The following ROBO1 variants were observed in gnomAD, a reference collection of about 807,000 sequenced individuals.
The protein encoded by ROBO1 is roundabout homolog 1.
A neutral mutation model predicts 195.9 loss-of-function variants in ROBO1; 149 were observed. The ratio of observed to expected loss-of-function variants is 0.76; its 90% CI spans 0.67 to 0.87. ROBO1 has a LOEUF of 0.87. ROBO1 is among the 40% of genes least tolerant of loss of function. The pLI is 0.00. For missense variants in ROBO1, 1,933 were observed against 2,068.3 expected (o/e 0.93, Z 1.27); for synonymous variants, 816 against 733.2 (o/e 1.11, Z -1.82).
chr3:79,082,986 T>C (rs1241494473), intron 3 of ROBO1, among the ~76,000 whole-genome samples: 2 of 152,182 alleles, frequency 1.3e-5, no homozygotes, highest in Admixed American at 6.6e-5. Flanking sequence ...GAACGCCTTA[T>C]ACACAAATTG....
intron 2 of ROBO1, among the ~76,000 whole-genome samples, chr3:79,164,617 A>G (rs954944899): frequency 5.3e-5 from 8 of 152,124 alleles, no homozygotes; most frequent in Admixed American, 6.5e-5. Context: ...AACATCCTTA[A>G]TCATTTCATT....
chr3:79,461,284 C>A (rs895180837), intron 2 of ROBO1, among the ~76,000 whole-genome samples: 3 of 151,924 alleles, frequency 2.0e-5, no homozygotes, highest in African/African-American at 7.3e-5. Flanking sequence ...GCTTTAACCA[C>A]CACAGTGGGA....
intron 2 of ROBO1, among the ~76,000 whole-genome samples, chr3:79,483,668 T>A (rs1205839974): frequency 6.6e-6 from 1 of 152,180 alleles, no homozygotes; most frequent in African/African-American, 2.4e-5. Context: ...TAAGTATTTG[T>A]GTAGGTAAAC....
intron 2 of ROBO1, among the ~76,000 whole-genome samples, chr3:79,410,136 T>C (rs1030058141): frequency 1.3e-5 from 2 of 152,180 alleles, no homozygotes; most frequent in African/African-American, 4.8e-5. Context: ...AGTGAATGTT[T>C]CTGACAAAGT....
chr3:79,520,679 G>A (rs887489017), intron 2 of ROBO1, among the ~76,000 whole-genome samples: 6 of 152,074 alleles, frequency 3.9e-5, no homozygotes, highest in Admixed American at 3.9e-4. Context: ...CTATAACAGA[G>A]ATTACACGGA....
At position 79,747,770 on chromosome 3, in the gene ROBO1, T is replaced by A. The variant is rs73126782; in HGVS notation, c.-51+19982A>T. The stretch of plus-strand genomic sequence containing the variant: ...AAATATACTGGACAAATATGTAGTG[T>A]GTTTCAGGAAAATGAAAATGTGTGT... On this transcript the variant is annotated intron_variant, in intron 1 of 30. Transcript: ENST00000464233. Among the ~76,000 whole-genome samples, 1,483 of 152,120 alleles carry A rather than the reference T, an allele frequency of 9.7e-3. 11 individuals carry two copies. The highest frequency in any genetic ancestry group is 0.015 in the Non-Finnish European group (985 of 67,916).
chr3:79,050,725 C>T (rs2078680417), intron 3 of ROBO1, among the ~76,000 whole-genome samples: 3 of 152,142 alleles, frequency 2.0e-5, no homozygotes, highest in Non-Finnish European at 2.9e-5. Flanking sequence ...GACCACAGTG[C>T]AATCAAATTA....
intron 5 of ROBO1, among the ~76,000 whole-genome samples, chr3:78,742,994 A>G (rs1343627595): frequency 4.6e-5 from 7 of 152,210 alleles, no homozygotes; most frequent in Non-Finnish European, 1.0e-4. Context: ...AGGGAGTTCC[A>G]AGAATTTTTA....
At chr3:78,607,863 G>A (rs1703557369) in intron 28 of ROBO1, among the ~76,000 whole-genome samples, 1 of 152,092 alleles carries the variant, frequency 6.6e-6, no homozygotes, top group African/African-American at 2.4e-5. Flanking sequence ...GATATAATCA[G>A]AACCAGGACT....
intron 2 of ROBO1, among the ~76,000 whole-genome samples, chr3:79,475,567 CAA>C (rs773231360): frequency 2.6e-5 from 4 of 151,642 alleles, no homozygotes; most frequent in Non-Finnish European, 5.9e-5. Context: ...TAGAATAGAA[CAA>C]AAAAACTTGG....
intron 3 of ROBO1, chr3:79,019,301 G>C (rs2078044183): frequency 1.0e-6 from 1 of 985,784 alleles, no homozygotes; most frequent in South Asian, 4.7e-5. Flanking sequence ...CGTGGAAGCT[G>C]TAAAGAGGCA....
intron 28 of ROBO1, chr3:78,607,331 GC>G: frequency 3.0e-6 from 1 of 333,950 alleles, no homozygotes; most frequent in Non-Finnish European, 5.5e-6. Context: ...TCCCACCTCA[GC>G]CTCCCGAGTA....
In ROBO1 at chr3:78,842,283, TTATA is replaced by T. The variant is rs1332520219; in HGVS notation, c.500-95387_500-95384del. 3.3e-4 allele frequency among the ~76,000 whole-genome samples: 45 copies of T among 137,322 alleles called. 2 individuals are homozygous for T. The highest frequency in any genetic ancestry group is 8.1e-4 in the East Asian group (4 of 4,942). The allele number at this position is 137,322 out of a possible 152,430, so 90.1% of individuals were successfully genotyped here. On this transcript the variant is annotated intron_variant, in intron 4 of 30. Transcript: ENST00000464233. ...TTATATATATGAGCCATATATATAT[TTATA>T]TATATGAGCCATATATATATTTATA...
intron 2 of ROBO1, among the ~76,000 whole-genome samples, chr3:79,461,421 G>T (rs1937631156): frequency 6.6e-6 from 1 of 152,096 alleles, no homozygotes; most frequent in South Asian, 2.1e-4. Context: ...ACAAGAAGTG[G>T]CCCTGAAAAT....
chr3:78,997,822 A>G (rs1194739078), intron 3 of ROBO1, among the ~76,000 whole-genome samples: 1 of 152,160 alleles, frequency 6.6e-6, no homozygotes, highest in Non-Finnish European at 1.5e-5. Context: ...GGTAAGAGGA[A>G]GAAACAGCAT....
intron 2 of ROBO1, among the ~76,000 whole-genome samples, chr3:79,129,419 T>C (rs887279946): frequency 7.2e-5 from 11 of 152,056 alleles, no homozygotes; most frequent in South Asian, 2.1e-4. Flanking sequence ...CATAAATTAG[T>C]AATTACATAC....
At chr3:78,871,216 G>A (rs754685824) in intron 4 of ROBO1, among the ~76,000 whole-genome samples, 10 of 152,166 alleles carry the variant, frequency 6.6e-5, no homozygotes, top group Non-Finnish European at 1.5e-4. Flanking sequence ...ATGGAGAGCG[G>A]CACAGGGAAG....
chr3:79,550,152 G>GAATA (rs1942425032), intron 2 of ROBO1, among the ~76,000 whole-genome samples: 1 of 91,086 alleles, frequency 1.1e-5, no homozygotes, highest in Non-Finnish European at 2.0e-5. Context: ...AAAAAGAAAG[G>GAATA]AAGAAAGAAA....
At chr3:79,510,105 G>C (rs1014440459) in intron 2 of ROBO1, among the ~76,000 whole-genome samples, 1 of 152,094 alleles carries the variant, frequency 6.6e-6, no homozygotes, top group Non-Finnish European at 1.5e-5. Context: ...GGAAATGGGG[G>C]CATTAAGATG....
Sources: gnomAD v4.1 joint callset for allele counts (sites outside exome capture counted in the v4.1 genomes callset) on GRCh38, gnomAD v4.1.1 for gene constraint, MANE v1.5 for transcripts, NCBI Gene and HGNC (gene_info 2026-07-23, HGNC 2026-07-21) for gene names.